The following FBN2 variants were observed in gnomAD, a reference collection of about 807,000 sequenced individuals.
The protein encoded by FBN2 is fibrillin-2.
In FBN2, 105 loss-of-function variants were observed where a neutral mutation model predicts 355.6. The observed-to-expected ratio is 0.30, with a 90% CI of 0.25 to 0.35. FBN2 has a LOEUF of 0.35. FBN2 is among the 10% of genes least tolerant of loss of function. The pLI is 1.00. For synonymous variants in FBN2, 1,350 were observed against 1,301.2 expected, an observed-to-expected ratio of 1.04 and a Z score of -0.81; for missense variants, 3,280 against 3,758.7, an observed-to-expected ratio of 0.87 and a Z score of 3.33.
chr5:128,279,516 C>A (rs1439792305), intron 56 of FBN2, among the ~76,000 whole-genome samples: 1 of 151,690 alleles, frequency 6.6e-6, no homozygotes, highest in African/African-American at 2.4e-5. Context: ...TTTTTTTGAT[C>A]AAAAATTTCT....
chr5:128,271,093 C>T (rs1201139804), intron 62 of FBN2, among the ~76,000 whole-genome samples: 1 of 152,152 alleles, frequency 6.6e-6, no homozygotes, highest in Non-Finnish European at 1.5e-5. Context: ...ATTCACTTAG[C>T]TGTCACTAGA....
intron 7 of FBN2, among the ~76,000 whole-genome samples, chr5:128,425,111 T>G (rs141119537): frequency 2.0e-5 from 3 of 152,176 alleles, no homozygotes; most frequent in Non-Finnish European, 4.4e-5. Context: ...TAGTCCAAAT[T>G]TAAGACACAT....
chr5:128,469,335 T>A (rs976019645), intron 5 of FBN2, among the ~76,000 whole-genome samples: 1 of 152,064 alleles, frequency 6.6e-6, no homozygotes, highest in Non-Finnish European at 1.5e-5. Context: ...ATCAAGACCA[T>A]CCTGGCTAAC....
chr5:128,316,946 G>A (rs896727912), intron 36 of FBN2, among the ~76,000 whole-genome samples: 2 of 152,132 alleles, frequency 1.3e-5, no homozygotes, highest in Admixed American at 1.3e-4. Flanking sequence ...TGCAGCCTGG[G>A]TTGAGAATCA....
chr5:128,301,659 T>A, intron 46 of FBN2, 149 bp from the exon 47 acceptor site: 1 of 734,692 alleles, frequency 1.4e-6, no homozygotes, highest in Non-Finnish European at 2.4e-6. Flanking sequence ...ATGGCACATA[T>A]CATAAGGATC....
intron 48 of FBN2, among the ~76,000 whole-genome samples, chr5:128,297,545 G>C (rs1749559366): frequency 1.3e-5 from 2 of 152,254 alleles, no homozygotes; most frequent in Admixed American, 1.3e-4. Context: ...TATATATTTA[G>C]GACAGTTCAC....
At chr5:128,438,497 T>G (rs943751317) in intron 7 of FBN2, among the ~76,000 whole-genome samples, 1 of 152,210 alleles carries the variant, frequency 6.6e-6, no homozygotes, top group Non-Finnish European at 1.5e-5. Flanking sequence ...TCTTAAACTT[T>G]TATTGATTTA....
At chr5:128,449,639 G>T (rs200027034) in intron 6 of FBN2, among the ~76,000 whole-genome samples, 5 of 151,188 alleles carry the variant, frequency 3.3e-5, no homozygotes, top group Non-Finnish European at 7.4e-5. Context: ...AAGAGAAAAA[G>T]AGTAACAAAG....
chr5:128,347,484 A>T (rs1366585699), intron 23 of FBN2, among the ~76,000 whole-genome samples: 1 of 152,174 alleles, frequency 6.6e-6, no homozygotes, highest in Non-Finnish European at 1.5e-5. Flanking sequence ...ATGTTCTCTG[A>T]AGTTTGCTGC....
In FBN2 at chr5:128,468,001, T is replaced by G. The variant is rs7707950; in HGVS notation, c.629-3080A>C. ...CGTACCATAATTCGCCTGTTTTAAG[T>G]GTAAAATTCAATGGTTTTTAGTAAA... On this transcript the variant is annotated intron_variant, in intron 5 of 64. Transcript: ENST00000262464. Among the ~76,000 whole-genome samples the G allele has an allele frequency of 1.1e-3, 161 of 152,322 alleles. 1 individual carries two copies. The highest frequency in any genetic ancestry group is 3.5e-3 in the African/African-American group (147 of 41,570).
chr5:128,278,589 A>G (rs1354957004), intron 57 of FBN2, 46 bp downstream of exon 57: 1 of 1,545,726 alleles, frequency 6.5e-7, no homozygotes, highest in South Asian at 1.1e-5. Flanking sequence ...TGAATTCATA[A>G]AATTTAATGT....
At chr5:128,484,956 T>A (rs961794412) in intron 5 of FBN2, among the ~76,000 whole-genome samples, 28 of 152,114 alleles carry the variant, frequency 1.8e-4, no homozygotes, top group Admixed American at 2.0e-4. Context: ...TGAAGATACA[T>A]ACGCATATAA....
chr5:128,298,631 G>C (rs1749608441), intron 48 of FBN2, among the ~76,000 whole-genome samples: 1 of 152,082 alleles, frequency 6.6e-6, no homozygotes, highest in African/African-American at 2.4e-5. Context: ...GATCGCGTCA[G>C]CTCCTGAGGC....
intron 2 of FBN2, among the ~76,000 whole-genome samples, chr5:128,534,695 T>C (rs979481547): frequency 6.6e-6 from 1 of 152,244 alleles, no homozygotes; most frequent in Non-Finnish European, 1.5e-5. Context: ...TTTTCAAAGC[T>C]GATTTTCTAC....
At chr5:128,352,970 C>T (rs1751407179) in intron 20 of FBN2, among the ~76,000 whole-genome samples, 1 of 152,000 alleles carries the variant, frequency 6.6e-6, no homozygotes, top group African/African-American at 2.4e-5. Flanking sequence ...CCCAGGAGTT[C>T]AAGACCAGCC....
Position 128,301,494 on chromosome 5 carries a change from A to T in FBN2, c.5934T>A (p.Ser1978Arg). Residue 1978 changes from serine (S) to arginine (R), a missense_variant, in exon 47 of 65, where the codon AGT (serine) becomes AGA (arginine). Coordinates refer to ENST00000262464, the MANE Select transcript of FBN2 (RefSeq NM_001999.4). ...TTCTGCACACCTGACCAAAAAAGGA[A>T]CTGCACTCATCTATGTCTGTAAGCA... Reference protein sequence around the residue: ...NNDCLDIDECSSFFGQVCRNG... With the variant: ...NNDCLDIDECRSFFGQVCRNG... 6.2e-7 allele frequency: 1 copy of T among 1,613,448 alleles called. No homozygotes were observed. The highest frequency in any genetic ancestry group is 8.5e-7 in the Non-Finnish European group (1 of 1,179,756).
At chr5:128,497,038 T>A (rs1411720681) in intron 5 of FBN2, among the ~76,000 whole-genome samples, 1 of 151,956 alleles carries the variant, frequency 6.6e-6, no homozygotes, top group Non-Finnish European at 1.5e-5. Flanking sequence ...TTGAAATAAA[T>A]GTTTAAAAAT....
At chr5:128,264,893 A>AATTT (rs1765080930) in intron 62 of FBN2, among the ~76,000 whole-genome samples, 1 of 152,196 alleles carries the variant, frequency 6.6e-6, no homozygotes, top group Non-Finnish European at 1.5e-5. Flanking sequence ...ACAGGAATTA[A>AATTT]ACTTCATTAA....
At chr5:128,260,204 T>C (rs1041423732) in intron 64 of FBN2, among the ~76,000 whole-genome samples, 3 of 152,144 alleles carry the variant, frequency 2.0e-5, no homozygotes, top group Non-Finnish European at 2.9e-5. Context: ...TTTTTTTTTT[T>C]CTGGAGTCAA....
Sources: allele counts gnomAD v4.1 joint callset (sites outside exome capture counted in the v4.1 genomes callset), GRCh38; gene constraint gnomAD v4.1.1; transcripts MANE v1.5; gene names NCBI Gene and HGNC (gene_info 2026-07-23, HGNC 2026-07-21).